SWT1: variants seen among roughly 807,000 people sequenced by gnomAD.
The protein encoded by SWT1 is transcriptional protein SWT1.
Under a neutral mutation model 107.3 loss-of-function variants are expected in SWT1, and 33 were observed. The observed-to-expected ratio is 0.31, with a 90% CI of 0.23 to 0.41. The LOEUF (loss-of-function observed/expected upper bound fraction) is 0.41. SWT1 is among the 10% of genes least tolerant of loss of function. The pLI, the probability that SWT1 is intolerant of heterozygous loss-of-function variation, is 1.00. For missense variants in SWT1, 898 were observed against 1,028.9 expected (o/e 0.87, Z 1.74); for synonymous variants, 345 against 348.3 (o/e 0.99, Z 0.11).
rs531031420 is a variant in SWT1 at position 185,241,684 on chromosome 1, T to A, written c.2441+9976T>A. 1.7e-4 allele frequency among the ~76,000 whole-genome samples: 26 copies of A among 152,246 alleles called. No individual in the cohort carries two copies. The East Asian group carries it at 4.4e-3, about 26-fold the overall frequency. ...TGCACAGGTAATGACACATAGTAGA[T>A]GGTCAGTAAGTGATTATTTAATGAG... is the stretch of plus-strand genomic sequence containing the variant. On this transcript the variant is annotated intron_variant, in intron 16 of 18. Transcript: ENST00000367500.
rs1447232942 is a variant in SWT1, at chr1:185,206,776, T to A, written c.1972+13T>A. 1 of 1,566,616 alleles carries A rather than the reference T, an allele frequency of 6.4e-7. No individual in the cohort carries two copies. The highest frequency in any genetic ancestry group is 8.6e-7 in the Non-Finnish European group (1 of 1,156,978). ...AATCTCCGTAAAGGTATGAATCTTT[T>A]ATTTTTCTCTTTAGCAGTGTTGTAT... On this transcript the variant is annotated intron_variant, in intron 13 of 18. Coordinates refer to ENST00000367500, the MANE Select transcript of SWT1 (RefSeq NM_017673.7).
intron 10 of SWT1, among the ~76,000 whole-genome samples, chr1:185,195,311 C>T (rs1269384812): frequency 6.6e-6 from 1 of 152,170 alleles, no homozygotes; most frequent in African/African-American, 2.4e-5. Context: ...ATCCATGTCC[C>T]TGCAAAGGAC....
intron 18 of SWT1, among the ~76,000 whole-genome samples, chr1:185,286,223 G>GGTTTTT (rs959903847): frequency 8.8e-4 from 134 of 151,962 alleles, no homozygotes; most frequent in African/African-American, 3.0e-3. Flanking sequence ...CTTCAGCAGT[G>GGTTTTT]GTTTTTGTTT....
At chr1:185,164,273 T>C (rs1404101462) in intron 2 of SWT1, among the ~76,000 whole-genome samples, 1 of 152,188 alleles carries the variant, frequency 6.6e-6, no homozygotes, top group Non-Finnish European at 1.5e-5. Flanking sequence ...CTTTGTTGTT[T>C]CATTTCTAGA....
Position 185,291,747 on chromosome 1 carries a change from G to C in SWT1, c.*944G>C, listed in dbSNP as rs768636193. ...ATGTACATAAGGTATGATTATAAAA[G>C]TGACTGTCTGCAATAAAAGAGAACT... On this transcript the variant is annotated 3_prime_UTR_variant, in exon 19 of 19. Transcript: ENST00000367500. 2 of 152,378 alleles carry C rather than the reference G, an allele frequency of 1.3e-5. No homozygotes were observed. Among genetic ancestry groups the C allele is most frequent in the Non-Finnish European group, 2.9e-5 (2 of 68,010 alleles). 9.4% of individuals were successfully genotyped at this position (152,378 alleles called of 1,614,324 possible).
intron 10 of SWT1, among the ~76,000 whole-genome samples, chr1:185,195,223 C>T (rs1657285092): frequency 6.6e-6 from 1 of 152,128 alleles, no homozygotes; most frequent in Non-Finnish European, 1.5e-5. Flanking sequence ...TGTTCAACTC[C>T]CACTTAAGAG....
chr1:185,229,910 G>C, intron 15 of SWT1, among the ~76,000 whole-genome samples: 1 of 152,152 alleles, frequency 6.6e-6, no homozygotes, highest in Non-Finnish European at 1.5e-5. Flanking sequence ...AGTGGTGGTT[G>C]CAGGGGTTTG....
Position 185,271,611 on chromosome 1 carries a change from A to G in SWT1, c.2508+222A>G, listed in dbSNP as rs147986147. Among the ~76,000 whole-genome samples the G allele has an allele frequency of 8.1e-4, 123 of 152,314 alleles. 1 individual carries two copies. The East Asian group carries it at 0.021, about 26-fold the overall frequency. On this transcript the variant is annotated intron_variant, in intron 17 of 18. Transcript: ENST00000367500. ...ATAGCATGGTGTTTTGATATGTTAT[A>G]CATAGTGAAATGGTTTCTGTAGGTA...
At chr1:185,220,812 A>G (rs1659597848) in intron 14 of SWT1, among the ~76,000 whole-genome samples, 1 of 152,218 alleles carries the variant, frequency 6.6e-6, no homozygotes, top group African/African-American at 2.4e-5. Context: ...ACTACACTAT[A>G]ATATGTGATA....
At chr1:185,271,205 A>G (rs1392604740) in intron 16 of SWT1, 118 bp from the exon 17 acceptor site, 1 of 628,968 alleles carries the variant, frequency 1.6e-6, no homozygotes, top group Admixed American at 3.2e-5. Flanking sequence ...TAAACCTGTA[A>G]GCTTATTAAA....
intron 16 of SWT1, among the ~76,000 whole-genome samples, chr1:185,254,991 G>T (rs1385077192): frequency 6.6e-6 from 1 of 151,882 alleles, no homozygotes; most frequent in African/African-American, 2.4e-5. Flanking sequence ...CTTTGTTCTC[G>T]TTGGTTTCAA....
intron 10 of SWT1, among the ~76,000 whole-genome samples, chr1:185,191,817 AT>A (rs1318033427): frequency 6.6e-6 from 1 of 152,136 alleles, no homozygotes; most frequent in African/African-American, 2.4e-5. Flanking sequence ...AACTTTATCA[AT>A]TCTCCATTAT....
intron 18 of SWT1, among the ~76,000 whole-genome samples, chr1:185,278,217 A>G (rs1325915943): frequency 2.0e-5 from 3 of 152,222 alleles, no homozygotes; most frequent in Non-Finnish European, 4.4e-5. Flanking sequence ...ATACATTGAA[A>G]TCTAATCCCC....
intron 16 of SWT1, among the ~76,000 whole-genome samples, chr1:185,266,019 A>G (rs1663345585): frequency 6.6e-6 from 1 of 152,164 alleles, no homozygotes; most frequent in African/African-American, 2.4e-5. Context: ...ATTATTTATA[A>G]ATATCCAAGA....
Position 185,193,562 on chromosome 1 carries a change from A to G in SWT1, c.1523+2920A>G, listed in dbSNP as rs139330230. The stretch of plus-strand genomic sequence containing the variant: ...GCTCACTGCAGCCTCTGCCTCCCGG[A>G]TTCAAGCAATTCTCCTGCCTTAGCC... On this transcript the variant is annotated intron_variant, in intron 10 of 18. Transcript: ENST00000367500. Among the ~76,000 whole-genome samples the G allele has an allele frequency of 6.0e-3, 897 of 150,676 alleles. 34 individuals carry two copies. In the East Asian group the frequency reaches 0.097, roughly 16 times the overall value.
In SWT1 at chr1:185,243,216, C is replaced by G. The variant is rs148495370; in HGVS notation, c.2441+11508C>G. On this transcript the variant is annotated intron_variant, in intron 16 of 18. Transcript: ENST00000367500. ...TTCCACCTCCTGGGCTCAGGTGATC[C>G]TCTCACCTCAGCCTCTGGAGTACTT... 6.6e-5 allele frequency among the ~76,000 whole-genome samples: 10 copies of G among 152,136 alleles called. No individual in the cohort carries two copies. In the East Asian group the frequency reaches 1.7e-3, roughly 27 times the overall value.
intron 13 of SWT1, among the ~76,000 whole-genome samples, chr1:185,213,116 C>A (rs1658954682): frequency 6.6e-6 from 1 of 152,046 alleles, no homozygotes; most frequent in Admixed American, 6.6e-5. Context: ...TGTTATTACC[C>A]TTTTCCTCAT....
At chr1:185,284,905 C>T (rs1474246939) in intron 18 of SWT1, among the ~76,000 whole-genome samples, 4 of 149,278 alleles carry the variant, frequency 2.7e-5, no homozygotes, top group African/African-American at 9.9e-5. Flanking sequence ...TTTTTTTTTC[C>T]ATGCCAGTGT....
At chr1:185,206,913 C>T (rs775666811) in intron 13 of SWT1, 150 bp downstream of exon 13, 24 of 568,098 alleles carry the variant, frequency 4.2e-5, no homozygotes, top group Non-Finnish European at 6.0e-5. Context: ...TTTGTGGAAA[C>T]TGGATGAACA....
Sources: allele counts gnomAD v4.1 joint callset (sites outside exome capture counted in the v4.1 genomes callset), GRCh38; gene constraint gnomAD v4.1.1; transcripts MANE v1.5; gene names NCBI Gene and HGNC (gene_info 2026-07-23, HGNC 2026-07-21).